Variants in LRBA observed in about 807,000 individuals in gnomAD.
The protein encoded by LRBA is LPS responsive beige-like anchor protein.
A neutral mutation model predicts 330.0 loss-of-function variants in LRBA; 176 were observed. The ratio of observed to expected loss-of-function variants is 0.53; its 90% CI spans 0.47 to 0.60. The LOEUF is 0.60. Ranked by LOEUF, LRBA falls within the 20% of genes least tolerant of loss-of-function variation. LRBA has a pLI of 0.00. For synonymous variants in LRBA, 1,230 were observed against 1,193.0 expected, an observed-to-expected ratio of 1.03 and a Z score of -0.64; for missense variants, 3,259 against 3,444.8, an observed-to-expected ratio of 0.95 and a Z score of 1.35.
rs1561406961 is a variant in LRBA, at chr4:150,599,136, AATG to A, written c.5922-8_5922-6del. The A allele has an allele frequency of 1.2e-6, 2 of 1,613,850 alleles. No homozygotes were observed. The highest frequency in any genetic ancestry group is 1.7e-6 in the Non-Finnish European group (2 of 1,179,864). On this transcript the variant is annotated splice_region_variant and splice_polypyrimidine_tract_variant and intron_variant, in intron 37 of 56. Transcript: ENST00000651943. ...CGCCAGAACTCAAGAGGACGACTAC[AATG>A]AAACAGAGAAGCCACATATGTTAGC... is the stretch of plus-strand genomic sequence containing the variant.
chr4:150,355,238 C>T (rs139992331), intron 47 of LRBA, among the ~76,000 whole-genome samples: 3,276 of 151,942 alleles, frequency 0.022, 53 homozygotes, highest in Middle Eastern at 0.031. Context: ...CTTTTATTTT[C>T]AAAAAACCAA....
chr4:150,500,534 G>T (rs1760134009), intron 40 of LRBA, among the ~76,000 whole-genome samples: 2 of 151,944 alleles, frequency 1.3e-5, no homozygotes. Flanking sequence ...GCTGAGATCG[G>T]ACTACTGCAC....
At chr4:150,828,925 GTGTGTGTGTGTGTGTGT>G in intron 29 of LRBA, among the ~76,000 whole-genome samples, 1 of 107,968 alleles carries the variant, frequency 9.3e-6, no homozygotes, top group South Asian at 2.4e-4. Context: ...TTTTGGGGGT[GTGTGTGTGTGTGTGTGT>G]GTGTGTGTGT....
chr4:150,668,973 G>T (rs1414496928), intron 37 of LRBA, among the ~76,000 whole-genome samples: 1 of 152,120 alleles, frequency 6.6e-6, no homozygotes, highest in Non-Finnish European at 1.5e-5. Context: ...GCCATGAAGA[G>T]ACTGCGCCCT....
At chr4:150,424,461 A>C (rs1323654083) in intron 46 of LRBA, among the ~76,000 whole-genome samples, 3 of 152,214 alleles carry the variant, frequency 2.0e-5, no homozygotes, top group Non-Finnish European at 2.9e-5. Flanking sequence ...CATCTAAGAA[A>C]GATTAACAAA....
At chr4:150,715,912 T>C (rs1012627715) in intron 36 of LRBA, among the ~76,000 whole-genome samples, 1 of 152,240 alleles carries the variant, frequency 6.6e-6, no homozygotes, top group East Asian at 1.9e-4. Context: ...GTTTTTTAGA[T>C]GCACTAGTGA....
At chr4:150,273,669 C>G (rs1052543121) in intron 56 of LRBA, among the ~76,000 whole-genome samples, 3 of 151,792 alleles carry the variant, frequency 2.0e-5, no homozygotes, top group African/African-American at 7.3e-5. Flanking sequence ...CAATCCTAGT[C>G]TCTGATAAAG....
chr4:150,595,225 CT>C (rs1773358024), intron 38 of LRBA, among the ~76,000 whole-genome samples: 2 of 26,276 alleles, frequency 7.6e-5, no homozygotes, highest in East Asian at 5.4e-3. Flanking sequence ...AGAAAACTGA[CT>C]CTGTAAAAAT....
intron 41 of LRBA, among the ~76,000 whole-genome samples, chr4:150,488,839 A>T (rs1758209756): frequency 7.1e-6 from 1 of 140,722 alleles, no homozygotes; most frequent in South Asian, 2.3e-4. Flanking sequence ...GTAAATAAGT[A>T]ATCGATCATT....
intron 40 of LRBA, among the ~76,000 whole-genome samples, chr4:150,558,992 T>C (rs190679887): frequency 6.6e-6 from 1 of 152,198 alleles, no homozygotes; most frequent in Admixed American, 6.5e-5. Flanking sequence ...GATCAAAATA[T>C]CACCATTGAA....
At chr4:150,783,866 G>C (rs1160114237) in intron 34 of LRBA, among the ~76,000 whole-genome samples, 1 of 152,126 alleles carries the variant, frequency 6.6e-6, no homozygotes, top group Non-Finnish European at 1.5e-5. Context: ...GCTATTAAGA[G>C]GCCTTGAAAA....
intron 46 of LRBA, among the ~76,000 whole-genome samples, chr4:150,430,284 T>C (rs748844308): frequency 2.6e-5 from 4 of 152,152 alleles, no homozygotes; most frequent in Non-Finnish European, 5.9e-5. Flanking sequence ...GGGCAATACA[T>C]ATGTCAACAC....
chr4:150,597,477 T>C (rs946865651), intron 38 of LRBA, among the ~76,000 whole-genome samples: 9 of 151,946 alleles, frequency 5.9e-5, no homozygotes, highest in African/African-American at 2.2e-4. Flanking sequence ...CTATGTGCAA[T>C]TTTAGAAAAC....
intron 36 of LRBA, chr4:150,721,051 A>C: frequency 1.8e-6 from 1 of 562,670 alleles, no homozygotes; most frequent in Middle Eastern, 5.7e-4. Flanking sequence ...AAGGCCAACT[A>C]TCCTCCAGTT....
chr4:150,277,365 A>G (rs1746919130), intron 56 of LRBA, among the ~76,000 whole-genome samples: 2 of 152,138 alleles, frequency 1.3e-5, no homozygotes, highest in Non-Finnish European at 2.9e-5. Context: ...GCACATGTAT[A>G]CCTATGTAAC....
intron 36 of LRBA, among the ~76,000 whole-genome samples, chr4:150,692,548 G>A (rs920238918): frequency 6.6e-6 from 1 of 152,094 alleles, no homozygotes; most frequent in Non-Finnish European, 1.5e-5. Flanking sequence ...GATGGACAAG[G>A]TATAGATGGA....
At chr4:150,736,650 A>G (rs957947130) in intron 35 of LRBA, among the ~76,000 whole-genome samples, 1 of 152,206 alleles carries the variant, frequency 6.6e-6, no homozygotes, top group African/African-American at 2.4e-5. Flanking sequence ...TATAAGAAAG[A>G]GTAGATACAT....
At chr4:150,781,708 T>C (rs1738247861) in intron 34 of LRBA, among the ~76,000 whole-genome samples, 1 of 152,218 alleles carries the variant, frequency 6.6e-6, no homozygotes, top group Non-Finnish European at 1.5e-5. Context: ...TCTCTAGTGG[T>C]ATTTTATTCC....
At chr4:150,486,385 A>AT (rs1757871956) in intron 42 of LRBA, among the ~76,000 whole-genome samples, 1 of 151,734 alleles carries the variant, frequency 6.6e-6, no homozygotes, top group Admixed American at 6.6e-5. Context: ...AAGGTAGCAT[A>AT]TTTTTTATTA....
Sources: allele counts gnomAD v4.1 joint callset (sites outside exome capture counted in the v4.1 genomes callset), GRCh38; gene constraint gnomAD v4.1.1; transcripts MANE v1.5; gene names NCBI Gene and HGNC (gene_info 2026-07-23, HGNC 2026-07-21).